Variants in CSMD1 observed in about 807,000 individuals in gnomAD.
The protein encoded by CSMD1 is CUB and Sushi multiple domains 1.
CSMD1 carries 213 observed loss-of-function variants against 417.5 expected under a neutral mutation model. The observed-to-expected ratio is 0.51, with a 90% CI of 0.46 to 0.57. The LOEUF (loss-of-function observed/expected upper bound fraction) is 0.57. Among genes scored for constraint, CSMD1 ranks in the 20% least tolerant of loss-of-function variants. The pLI is 0.00. For missense variants in CSMD1, 6,923 were observed against 4,529.7 expected, an observed-to-expected ratio of 1.53 and a Z score of -15.17; for synonymous variants, 2,862 against 1,736.8, an observed-to-expected ratio of 1.65 and a Z score of -16.11.
intron 7 of CSMD1, chr8:3,700,697 T>C (rs1032953928): frequency 6.6e-6 from 1 of 152,270 alleles, no homozygotes; most frequent in Admixed American, 6.5e-5. Flanking sequence ...GGACATTATT[T>C]CAGGCTGAGG....
intron 3 of CSMD1, among the ~76,000 whole-genome samples, chr8:4,036,232 C>G (rs1250068389): frequency 6.6e-6 from 1 of 152,102 alleles, no homozygotes; most frequent in African/African-American, 2.4e-5. Flanking sequence ...CAGAATGCAT[C>G]CCAGTTGTTA....
intron 1 of CSMD1, among the ~76,000 whole-genome samples, chr8:4,763,806 A>C (rs1812274528): frequency 6.6e-6 from 1 of 152,242 alleles, no homozygotes; most frequent in African/African-American, 2.4e-5. Flanking sequence ...GACTGCAATT[A>C]AAATTATTAA....
rs926150581 is a variant in CSMD1 at position 3,162,192 on chromosome 8, G to A, written c.5811C>T (p.Leu1937=). Residue 1937 remains leucine (L), a synonymous_variant, in exon 38 of 70, where the codon CTC becomes CTT. Transcript: ENST00000635120. ...IGDRYMVNDV[L]SFQCEPGYTL... ...TGTACCCGGGCTCGCACTGGAAGGA[G>A]AGCACGTCGTTCACCATGTACCGAT... 20 of 1,610,052 alleles carry A rather than the reference G, an allele frequency of 1.2e-5. No individual in the cohort carries two copies. The highest frequency in any genetic ancestry group is 2.2e-5 in the East Asian group (1 of 44,820).
intron 2 of CSMD1, among the ~76,000 whole-genome samples, chr8:4,569,839 C>G (rs1367633372): frequency 6.6e-6 from 1 of 152,116 alleles, no homozygotes; most frequent in South Asian, 2.1e-4. Context: ...TTGTAGTTCT[C>G]CTTGAAGAAG....
At chr8:3,279,350 G>A (rs528712079) in intron 26 of CSMD1, among the ~76,000 whole-genome samples, 11 of 152,120 alleles carry the variant, frequency 7.2e-5, no homozygotes, top group African/African-American at 2.4e-4. Context: ...AAATAGACTG[G>A]TATTGGACTT....
intron 23 of CSMD1, among the ~76,000 whole-genome samples, chr8:3,338,128 C>A (rs1173968694): frequency 6.6e-6 from 1 of 152,176 alleles, no homozygotes; most frequent in Non-Finnish European, 1.5e-5. Flanking sequence ...CTTGAGGAGT[C>A]TGTCATCCCT....
At chr8:3,618,915 G>A (rs985442845) in intron 7 of CSMD1, among the ~76,000 whole-genome samples, 4 of 152,138 alleles carry the variant, frequency 2.6e-5, no homozygotes, top group East Asian at 3.9e-4. Flanking sequence ...CACGATGGTC[G>A]CTCTGTGGGC....
chr8:3,679,663 C>G, intron 7 of CSMD1, among the ~76,000 whole-genome samples: 1 of 152,172 alleles, frequency 6.6e-6, no homozygotes, highest in East Asian at 1.9e-4. Context: ...AGGAATTGAA[C>G]TGAGCTCTGC....
intron 1 of CSMD1, among the ~76,000 whole-genome samples, chr8:4,695,342 T>C (rs1470298032): frequency 6.6e-6 from 1 of 152,156 alleles, no homozygotes; most frequent in East Asian, 1.9e-4. Flanking sequence ...CCTACATCCA[T>C]GCTTGAGAGT....
At chr8:4,546,742 AATAT>A (rs1293403052) in intron 2 of CSMD1, among the ~76,000 whole-genome samples, 1 of 152,090 alleles carries the variant, frequency 6.6e-6, no homozygotes, top group Non-Finnish European at 1.5e-5. Flanking sequence ...TCCCATAATA[AATAT>A]ATATGTGTAT....
intron 1 of CSMD1, among the ~76,000 whole-genome samples, chr8:4,956,969 A>G (rs1271198204): frequency 1.3e-5 from 2 of 152,224 alleles, no homozygotes; most frequent in African/African-American, 4.8e-5. Flanking sequence ...GGGAAGCCTA[A>G]CCATGCTCCT....
intron 4 of CSMD1, among the ~76,000 whole-genome samples, chr8:4,011,212 T>C (rs1265160833): frequency 2.6e-5 from 4 of 152,220 alleles, no homozygotes; most frequent in South Asian, 2.1e-4. Flanking sequence ...GTTTGTGTTC[T>C]ACCTTTCCTC....
chr8:2,991,333 A>G (rs965401490), intron 54 of CSMD1, among the ~76,000 whole-genome samples: 1 of 152,236 alleles, frequency 6.6e-6, no homozygotes, highest in Non-Finnish European at 1.5e-5. Context: ...ACTAAAACAC[A>G]CTAAATATAC....
intron 23 of CSMD1, among the ~76,000 whole-genome samples, chr8:3,323,694 T>C (rs1806301636): frequency 6.6e-6 from 1 of 152,210 alleles, no homozygotes. Flanking sequence ...AGCAGGTAAG[T>C]AGCAGAGCCA....
chr8:4,261,952 GA>G (rs887761955), intron 3 of CSMD1, among the ~76,000 whole-genome samples: 26 of 152,022 alleles, frequency 1.7e-4, no homozygotes, highest in African/African-American at 6.3e-4. Flanking sequence ...TAACAAAACA[GA>G]AAAAAAATTA....
At chr8:3,881,208 A>G (rs1307737494) in intron 5 of CSMD1, among the ~76,000 whole-genome samples, 1 of 152,008 alleles carries the variant, frequency 6.6e-6, no homozygotes, top group East Asian at 1.9e-4. Context: ...TGTATTATAT[A>G]GATTCAAGTC....
At chr8:4,775,551 A>C (rs774528083) in intron 1 of CSMD1, among the ~76,000 whole-genome samples, 4 of 152,220 alleles carry the variant, frequency 2.6e-5, no homozygotes, top group African/African-American at 4.8e-5. Context: ...AGGGTAACAA[A>C]TATGATTTAT....
chr8:3,765,755 A>C (rs1798232421), intron 5 of CSMD1, among the ~76,000 whole-genome samples: 1 of 152,154 alleles, frequency 6.6e-6, no homozygotes, highest in African/African-American at 2.4e-5. Flanking sequence ...GAGATCTGGC[A>C]TCCTCCTTTT....
intron 2 of CSMD1, among the ~76,000 whole-genome samples, chr8:4,575,609 C>T (rs1554516235): frequency 6.6e-6 from 1 of 152,214 alleles, no homozygotes; most frequent in African/African-American, 2.4e-5. Context: ...ATATGGTAGA[C>T]ATGTGGCTCA....
Sources: gnomAD v4.1 joint callset for allele counts (sites outside exome capture counted in the v4.1 genomes callset) on GRCh38, gnomAD v4.1.1 for gene constraint, MANE v1.5 for transcripts, NCBI Gene and HGNC (gene_info 2026-07-23, HGNC 2026-07-21) for gene names.